LPAR1: variants seen among roughly 807,000 people sequenced by gnomAD.
LPAR1 encodes the protein LPA receptor 1.
A neutral mutation model predicts 23.8 loss-of-function variants in LPAR1; 5 were observed. That is an observed-to-expected ratio of 0.21 (90% confidence interval 0.11 to 0.44). The LOEUF is 0.44. Ranked by LOEUF, LPAR1 falls within the 20% of genes least tolerant of loss-of-function variation. The pLI is 0.99. For missense variants in LPAR1, 311 were observed against 482.8 expected (o/e 0.64, Z 3.33); for synonymous variants, 160 against 164.7 (o/e 0.97, Z 0.22).
chr9:111,025,765 G>A (rs1354635322), intron 2 of LPAR1, among the ~76,000 whole-genome samples: 1 of 152,076 alleles, frequency 6.6e-6, no homozygotes, highest in African/African-American at 2.4e-5. Context: ...TTCTACATAT[G>A]GCTAGCCAGT....
At chr9:110,995,638 T>TA (rs945614464) in intron 2 of LPAR1, among the ~76,000 whole-genome samples, 13 of 152,188 alleles carry the variant, frequency 8.5e-5, no homozygotes, top group African/African-American at 2.7e-4. Flanking sequence ...AGAAGTCACA[T>TA]ACGTGATTTT....
At chr9:110,902,535 G>C (rs1253677255) in intron 5 of LPAR1, among the ~76,000 whole-genome samples, 2 of 152,066 alleles carry the variant, frequency 1.3e-5, no homozygotes, top group Non-Finnish European at 2.9e-5. Context: ...GGCCTTCCAA[G>C]CCATGTGGAA....
chr9:110,951,965 G>A (rs1040766408), intron 4 of LPAR1, among the ~76,000 whole-genome samples: 2 of 152,144 alleles, frequency 1.3e-5, no homozygotes, highest in African/African-American at 2.4e-5. Flanking sequence ...TTTGCACAAG[G>A]ATGCATGCAG....
chr9:110,932,288 C>A (rs10817114), intron 5 of LPAR1, among the ~76,000 whole-genome samples: 40,415 of 152,072 alleles, frequency 0.27, 5,433 homozygotes, highest in Admixed American at 0.31. Flanking sequence ...CATCATAGAA[C>A]AGCCATGATG....
At chr9:110,977,780 G>C (rs899997590) in intron 2 of LPAR1, among the ~76,000 whole-genome samples, 2 of 126,732 alleles carry the variant, frequency 1.6e-5, no homozygotes, top group Non-Finnish European at 1.7e-5. Flanking sequence ...TTTTAAAACA[G>C]AAGGAAAGAA....
chr9:110,950,651 A>G (rs891258488), intron 4 of LPAR1, among the ~76,000 whole-genome samples: 2 of 152,090 alleles, frequency 1.3e-5, no homozygotes, highest in Non-Finnish European at 1.5e-5. Context: ...CAGAAAAAAA[A>G]ATTCTAGTTA....
intron 5 of LPAR1, among the ~76,000 whole-genome samples, chr9:110,927,223 T>C (rs1411003719): frequency 7.4e-6 from 1 of 134,592 alleles, no homozygotes; most frequent in Admixed American, 8.1e-5. Context: ...ATTTTTTACT[T>C]AGCATTCCAC....
At chr9:110,957,395 T>C (rs2095800512) in intron 4 of LPAR1, among the ~76,000 whole-genome samples, 1 of 151,210 alleles carries the variant, frequency 6.6e-6, no homozygotes, top group African/African-American at 2.4e-5. Context: ...TGCACCATGA[T>C]CAAGTAGGAT....
chr9:110,931,235 G>C (rs1397655174), intron 5 of LPAR1, among the ~76,000 whole-genome samples: 1 of 152,068 alleles, frequency 6.6e-6, no homozygotes, highest in Admixed American at 6.5e-5. Flanking sequence ...GTCTTTTCCA[G>C]ACATTGCCCG....
chr9:110,938,186 T>C (rs2094851442), intron 5 of LPAR1, among the ~76,000 whole-genome samples: 1 of 152,182 alleles, frequency 6.6e-6, no homozygotes, highest in Non-Finnish European at 1.5e-5. Context: ...CTCACAAACC[T>C]GGCAATCTGG....
intron 2 of LPAR1, among the ~76,000 whole-genome samples, chr9:111,024,495 T>C (rs985128433): frequency 1.4e-5 from 2 of 147,304 alleles, no homozygotes; most frequent in South Asian, 4.2e-4. Flanking sequence ...TTTATATATT[T>C]ATATATACAT....
intron 5 of LPAR1, among the ~76,000 whole-genome samples, chr9:110,898,391 G>A (rs1302368665): frequency 6.6e-6 from 1 of 152,148 alleles, no homozygotes; most frequent in African/African-American, 2.4e-5. Context: ...CGTGTGCAAA[G>A]AAACATGAAT....
At chr9:110,893,350 C>T (rs1049282702) in intron 5 of LPAR1, among the ~76,000 whole-genome samples, 4 of 152,056 alleles carry the variant, frequency 2.6e-5, no homozygotes, top group African/African-American at 9.7e-5. Context: ...TCTCAATATC[C>T]ACTGATAGTA....
intron 4 of LPAR1, among the ~76,000 whole-genome samples, chr9:110,959,266 CAG>C (rs1464719918): frequency 7.3e-6 from 1 of 136,388 alleles, no homozygotes; most frequent in African/African-American, 2.8e-5. Flanking sequence ...GAAAGAAAGA[CAG>C]AGAAGGTAAG....
chr9:110,904,027 G>A (rs1189727020), intron 5 of LPAR1, among the ~76,000 whole-genome samples: 1 of 152,010 alleles, frequency 6.6e-6, no homozygotes, highest in African/African-American at 2.4e-5. Context: ...TCCAAGTGCT[G>A]AAAACAAAGA....
At chr9:110,902,750 G>T (rs903755987) in intron 5 of LPAR1, among the ~76,000 whole-genome samples, 2 of 152,134 alleles carry the variant, frequency 1.3e-5, no homozygotes, top group Admixed American at 1.3e-4. Flanking sequence ...ACAAAAAAAG[G>T]CTCCACCTGG....
At chr9:111,031,686 C>T (rs2097797603) in intron 2 of LPAR1, among the ~76,000 whole-genome samples, 1 of 152,184 alleles carries the variant, frequency 6.6e-6, no homozygotes, top group African/African-American at 2.4e-5. Context: ...ATCTCAAACA[C>T]AAGTTGGGTT....
chr9:110,885,262 G>A (rs1049842769), intron 5 of LPAR1, among the ~76,000 whole-genome samples: 1 of 152,148 alleles, frequency 6.6e-6, no homozygotes, highest in African/African-American at 2.4e-5. Context: ...TGGGTGGGGG[G>A]TCATCATGCT....
chr9:111,007,671 AT>A (rs1484455930), intron 2 of LPAR1, among the ~76,000 whole-genome samples: 12 of 152,186 alleles, frequency 7.9e-5, no homozygotes, highest in African/African-American at 2.7e-4. Flanking sequence ...GGGTTTCAGT[AT>A]GGAAAAATCT....
Sources: gnomAD v4.1 joint callset for allele counts (sites outside exome capture counted in the v4.1 genomes callset) on GRCh38, gnomAD v4.1.1 for gene constraint, MANE v1.5 for transcripts, NCBI Gene and HGNC (gene_info 2026-07-23, HGNC 2026-07-21) for gene names.